The following CCDC7 variants were observed in gnomAD, a reference collection of about 807,000 sequenced individuals.
The protein encoded by CCDC7 is coiled-coil domain-containing protein 7.
A neutral mutation model predicts 196.9 loss-of-function variants in CCDC7; 183 were observed. The observed-to-expected ratio is 0.93, with a 90% CI of 0.82 to 1.05. The LOEUF (loss-of-function observed/expected upper bound fraction) is 1.05, where lower values mean the gene tolerates loss of function less well. CCDC7 is among the 50% of genes least tolerant of loss of function. The probability of loss-of-function intolerance (pLI) is 0.00; values close to 1 mark genes in which losing one functional copy is unlikely to be tolerated. For missense variants in CCDC7, 1,540 were observed against 1,482.2 expected (o/e 1.04, Z -0.64); for synonymous variants, 525 against 484.6 (o/e 1.08, Z -1.10).
At chr10:32,850,028 G>C (rs1565706592) in intron 39 of CCDC7, among the ~76,000 whole-genome samples, 1 of 152,070 alleles carries the variant, frequency 6.6e-6, no homozygotes, top group Non-Finnish European at 1.5e-5. Context: ...GGAAAAAAAT[G>C]CAAACTCTTT....
intron 28 of CCDC7, among the ~76,000 whole-genome samples, chr10:32,767,146 C>T (rs988299436): frequency 2.0e-5 from 3 of 152,052 alleles, no homozygotes; most frequent in Admixed American, 1.3e-4. Context: ...TATCCCATAG[C>T]CAACACACCT....
At chr10:32,690,131 T>C (rs1260595338) in intron 23 of CCDC7, among the ~76,000 whole-genome samples, 1 of 152,230 alleles carries the variant, frequency 6.6e-6, no homozygotes, top group Non-Finnish European at 1.5e-5. Flanking sequence ...CTAGGCATTT[T>C]ATCCAGGTAC....
exon 22 of CCDC7, chr10:32,686,073 A>G: frequency 7.1e-7 from 1 of 1,405,232 alleles, no homozygotes; most frequent in East Asian, 2.3e-5. Flanking sequence ...CAGAGCAACC[A>G]CTCACCAGTA....
chr10:32,725,328 A>G (rs1346962192), intron 25 of CCDC7: 1 of 470,844 alleles, frequency 2.1e-6, no homozygotes, highest in Non-Finnish European at 4.4e-6. Context: ...ACCTACTAAA[A>G]GAATTTCATG....
intron 13 of CCDC7, among the ~76,000 whole-genome samples, chr10:32,564,805 A>T (rs1431389841): frequency 6.6e-6 from 1 of 152,056 alleles, no homozygotes; most frequent in Non-Finnish European, 1.5e-5. Flanking sequence ...AGTATAAAAA[A>T]AAAAAAGAAT....
At chr10:32,750,337 G>T (rs909229667) in intron 28 of CCDC7, among the ~76,000 whole-genome samples, 3 of 152,092 alleles carry the variant, frequency 2.0e-5, no homozygotes, top group Non-Finnish European at 2.9e-5. Flanking sequence ...TTAATAAAGT[G>T]ACATACTCTT....
intron 18 of CCDC7, among the ~76,000 whole-genome samples, chr10:32,624,545 A>T (rs2063761895): frequency 6.6e-6 from 1 of 152,180 alleles, no homozygotes; most frequent in Non-Finnish European, 1.5e-5. Flanking sequence ...TCAATGCCTT[A>T]ATATAACTGT....
intron 6 of CCDC7, among the ~76,000 whole-genome samples, chr10:32,471,735 T>C (rs566495327): frequency 2.0e-5 from 3 of 152,302 alleles, no homozygotes; most frequent in African/African-American, 7.2e-5. Context: ...ATTCTTTTTT[T>C]GTGTTAAAAT....
intron 21 of CCDC7, among the ~76,000 whole-genome samples, chr10:32,679,268 G>T (rs1035074823): frequency 6.6e-6 from 1 of 152,052 alleles, no homozygotes; most frequent in Admixed American, 6.6e-5. Context: ...AAAATGACAG[G>T]TTCAAAAGCC....
At chr10:32,710,090 C>T (rs1240314018) in intron 24 of CCDC7, among the ~76,000 whole-genome samples, 2 of 152,174 alleles carry the variant, frequency 1.3e-5, no homozygotes, top group Non-Finnish European at 2.9e-5. Flanking sequence ...CTTTGCTTAT[C>T]CTCCTTGAGC....
At chr10:32,664,871 T>A (rs1409748476) in intron 21 of CCDC7, among the ~76,000 whole-genome samples, 1 of 152,028 alleles carries the variant, frequency 6.6e-6, no homozygotes, top group African/African-American at 2.4e-5. Flanking sequence ...CTATTTTTAA[T>A]TTTTTGAGGA....
chr10:32,549,114 G>A (rs1199175083), intron 13 of CCDC7, among the ~76,000 whole-genome samples: 6 of 152,166 alleles, frequency 3.9e-5, no homozygotes, highest in Admixed American at 6.5e-5. Flanking sequence ...TCGTGCAGGA[G>A]CAAGGTGGTA....
intron 28 of CCDC7, among the ~76,000 whole-genome samples, chr10:32,769,468 G>A (rs1381639272): frequency 6.7e-6 from 1 of 150,060 alleles, no homozygotes; most frequent in Admixed American, 6.6e-5. Context: ...TTGATCCATT[G>A]TATTATTATT....
At chr10:32,595,986 G>A (rs562928446) in intron 18 of CCDC7, among the ~76,000 whole-genome samples, 9 of 152,142 alleles carry the variant, frequency 5.9e-5, no homozygotes, top group South Asian at 2.1e-4. Flanking sequence ...TTTGGAATAC[G>A]TGTGATGTGG....
At chr10:32,854,855 C>T (rs1225533310) in intron 41 of CCDC7, among the ~76,000 whole-genome samples, 1 of 152,072 alleles carries the variant, frequency 6.6e-6, no homozygotes, top group African/African-American at 2.4e-5. Context: ...TTTTTTGCCA[C>T]TACAAGCAAT....
intron 28 of CCDC7, among the ~76,000 whole-genome samples, chr10:32,748,469 T>C (rs934521537): frequency 1.1e-4 from 16 of 152,230 alleles, no homozygotes; most frequent in African/African-American, 3.6e-4. Flanking sequence ...AATTTAGTTG[T>C]AATGCTTGCT....
intron 25 of CCDC7, among the ~76,000 whole-genome samples, chr10:32,725,607 G>A (rs1287339952): frequency 1.3e-5 from 2 of 152,094 alleles, no homozygotes; most frequent in African/African-American, 2.4e-5. Flanking sequence ...TGGTTATGCA[G>A]GCTGTACAGA....
At chr10:32,650,224 G>A (rs1249750168) in intron 20 of CCDC7, among the ~76,000 whole-genome samples, 1 of 152,154 alleles carries the variant, frequency 6.6e-6, no homozygotes, top group African/African-American at 2.4e-5. Context: ...TCTGTATAGG[G>A]TCTTTGTTGT....
At chr10:32,731,203 A>G (rs2083909161) in intron 28 of CCDC7, among the ~76,000 whole-genome samples, 1 of 152,118 alleles carries the variant, frequency 6.6e-6, no homozygotes, top group Non-Finnish European at 1.5e-5. Context: ...AGTCTCTAGT[A>G]AGGTCTTTTG....
Sources: gnomAD v4.1 joint callset for allele counts (sites outside exome capture counted in the v4.1 genomes callset) on GRCh38, gnomAD v4.1.1 for gene constraint, MANE v1.5 for transcripts, NCBI Gene and HGNC (gene_info 2026-07-23, HGNC 2026-07-21) for gene names.